Variants in IMPDH1 observed in about 807,000 individuals in gnomAD.
IMPDH1 encodes the protein inosine-5'-monophosphate dehydrogenase 1.
IMPDH1 carries 41 observed loss-of-function variants against 73.5 expected under a neutral mutation model. That is an observed-to-expected ratio of 0.56 (90% CI 0.43 to 0.72). The LOEUF is 0.72. IMPDH1 is among the 30% of genes least tolerant of loss of function. The pLI is 0.00. For synonymous variants in IMPDH1, 318 were observed against 334.3 expected, an observed-to-expected ratio of 0.95 and a Z score of 0.53; for missense variants, 645 against 824.8, an observed-to-expected ratio of 0.78 and a Z score of 2.67.
chr7:128,399,042 T>C (rs1470619821), intron 9 of IMPDH1, among the ~76,000 whole-genome samples: 1 of 152,172 alleles, frequency 6.6e-6, no homozygotes, highest in Non-Finnish European at 1.5e-5. Context: ...AACAGGGACC[T>C]GGTGAATATT....
intron 1 of IMPDH1, 120 bp from the exon 2 acceptor site, chr7:128,409,604 G>A: frequency 6.6e-7 from 1 of 1,523,022 alleles, no homozygotes; most frequent in South Asian, 1.1e-5. Context: ...CGGGAGCGTG[G>A]CGTTTCGGGA....
At position 128,397,066 on chromosome 7, in the gene IMPDH1, T is replaced by C. The variant is rs772533559; in HGVS notation, c.1075-44A>G. On this transcript the variant is annotated intron_variant, in intron 10 of 16. Transcript: ENST00000338791. ...GAGCTTGGGCTTAGACAGCTGAGGA[T>C]TCTCAAGGCAGGAGGGAGAGCCTGA... 23 of 1,393,966 alleles carry C rather than the reference T, an allele frequency of 1.6e-5. 1 individual carries two copies. In the South Asian group the frequency reaches 2.4e-4, roughly 15 times the overall value. The allele number at this position is 1,393,966 out of a possible 1,614,324, so 86.3% of individuals were successfully genotyped here.
intron 3 of IMPDH1, 23 bp downstream of exon 3, chr7:128,409,266 T>C: frequency 6.2e-7 from 1 of 1,605,088 alleles, no homozygotes; most frequent in Non-Finnish European, 8.5e-7. Context: ...CAGTGCATGG[T>C]GAGGAGGGGA....
intron 5 of IMPDH1, among the ~76,000 whole-genome samples, chr7:128,401,816 C>A (rs1444193277): frequency 6.6e-6 from 1 of 152,120 alleles, no homozygotes; most frequent in African/African-American, 2.4e-5. Flanking sequence ...GTCAGGATTG[C>A]AAGTATCCAT....
At chr7:128,401,977 C>A (rs751410774) in intron 5 of IMPDH1, among the ~76,000 whole-genome samples, 1 of 152,156 alleles carries the variant, frequency 6.6e-6, no homozygotes, top group Non-Finnish European at 1.5e-5. Context: ...CATCACTAAC[C>A]CTAGTTCAGA....
Position 128,409,320 on chromosome 7 carries a change from C to T in IMPDH1, c.223G>A (p.Gly75Ser). 1 of 1,614,116 alleles carries T rather than the reference C, an allele frequency of 6.2e-7. No individual in the cohort carries two copies. Among genetic ancestry groups the T allele is most frequent in the Non-Finnish European group, 8.5e-7 (1 of 1,179,986 alleles). The change falls in exon 3 of 17, where the codon GGT becomes AGT. Residue 75 changes from glycine to serine, a missense_variant. Coordinates refer to ENST00000338791, the MANE Select transcript of IMPDH1 (RefSeq NM_000883.4). ...LSSVVLLAGV[G>S]VQMDRLRRAS... ...CTGCGAAGGCGATCCATCTGGACAC[C>T]AACACCTGCCAGTAAGACCACTGAA... is the stretch of plus-strand genomic sequence containing the variant.
In IMPDH1 at chr7:128,394,171, G is replaced by A. The variant is rs557546224; in HGVS notation, c.1778+107C>T. On this transcript the variant is annotated intron_variant, in intron 16 of 16. Coordinates refer to ENST00000338791, the MANE Select transcript of IMPDH1 (RefSeq NM_000883.4). The surrounding 1 kb of genome is among the most constrained non-coding windows in gnomAD (Gnocchi z 5.5). The stretch of plus-strand genomic sequence containing the variant: ...TCCTGCAGCAGCATCTGTCCCTGCT[G>A]CAGGTGGTCCATGGGGTCCCTGGAA... 2 of 862,246 alleles carry A rather than the reference G, an allele frequency of 2.3e-6. No homozygotes were observed. The highest frequency in any genetic ancestry group is 3.6e-5 in the Admixed American group (2 of 55,540). The allele number at this position is 862,246 out of a possible 1,614,324, so 53.4% of individuals were successfully genotyped here. A position where few individuals can be genotyped will look rare whatever the true frequency, so the allele number is the denominator to read the frequency against.
chr7:128,393,933 A>T (rs1348395802), intron 16 of IMPDH1, among the ~76,000 whole-genome samples: 30 of 152,056 alleles, frequency 2.0e-4, no homozygotes, highest in Non-Finnish European at 1.5e-5. Context: ...TCACACCCGC[A>T]TCTTCTGCCT....
chr7:128,392,731 G>T lies in IMPDH1; in HGVS notation c.*276C>A. On this transcript the variant is annotated 3_prime_UTR_variant, in exon 17 of 17. Coordinates refer to ENST00000338791, the MANE Select transcript of IMPDH1 (RefSeq NM_000883.4). Reference sequence around the variant, plus strand: ...GCCAGGCTGGAGCAGGCTGCAGCAAGAAAGACCTGAGGCAGGCGCAGGGCC... The same window carrying T: ...GCCAGGCTGGAGCAGGCTGCAGCAATAAAGACCTGAGGCAGGCGCAGGGCC... 2.1e-6 allele frequency: 1 copy of T among 486,838 alleles called. No individual in the cohort carries two copies. Among genetic ancestry groups the T allele is most frequent in the East Asian group, 3.6e-5 (1 of 27,422 alleles). 30.2% of individuals were successfully genotyped at this position (486,838 alleles called of 1,614,324 possible).
chr7:128,409,166 G>T, intron 3 of IMPDH1, 123 bp downstream of exon 3: 1 of 855,182 alleles, frequency 1.2e-6, no homozygotes, highest in Non-Finnish European at 1.9e-6. Context: ...TCTTCCTCCA[G>T]TGTCCCTCAT....
intron 4 of IMPDH1, among the ~76,000 whole-genome samples, chr7:128,404,982 C>T (rs991046225): frequency 3.3e-5 from 5 of 152,146 alleles, no homozygotes; most frequent in African/African-American, 1.2e-4. Context: ...CAAGCCAGGG[C>T]AGGGCTGGCA....
chr7:128,392,936 G>A lies in IMPDH1; in HGVS notation c.*71C>T. 6.8e-7 allele frequency: 1 copy of A among 1,479,434 alleles called. No individual in the cohort carries two copies. The highest frequency in any genetic ancestry group is 9.5e-7 in the Non-Finnish European group (1 of 1,057,508). 91.6% of individuals were successfully genotyped at this position (1,479,434 alleles called of 1,614,324 possible). A position where few individuals can be genotyped will look rare whatever the true frequency, so the allele number is the denominator to read the frequency against. Reference sequence around the variant, plus strand: ...GCAAATCTGTGGACCACTCAGTTATGGAGGGAGGCTGTGCCCAAAAGTGGA... The same window carrying A: ...GCAAATCTGTGGACCACTCAGTTATAGAGGGAGGCTGTGCCCAAAAGTGGA... On this transcript the variant is annotated 3_prime_UTR_variant, in exon 17 of 17. Coordinates refer to ENST00000338791, the MANE Select transcript of IMPDH1 (RefSeq NM_000883.4).
At chr7:128,406,285 AC>A (rs375256813) in intron 3 of IMPDH1, among the ~76,000 whole-genome samples, 1 of 28,688 alleles carries the variant, frequency 3.5e-5, no homozygotes, top group Non-Finnish European at 6.8e-5. Flanking sequence ...CAGAGGCCCC[AC>A]CCCCCCACAC....
In IMPDH1 at chr7:128,409,765, TCGTAGC is replaced by T; in HGVS notation, c.131_136del (p.Gly44_Tyr45del). ...CTGCCCTGGGCGTCACCTCTCGGGCTCGTAGCCGGCCTGCAGCAGTCGGGCGCTGTA... is the reference window on the plus strand; with the variant it reads ...CTGCCCTGGGCGTCACCTCTCGGGCTCGGCCTGCAGCAGTCGGGCGCTGTA... On this transcript the variant is annotated inframe_deletion, in exon 1 of 17. Coordinates refer to ENST00000338791, the MANE Select transcript of IMPDH1 (RefSeq NM_000883.4). The T allele has an allele frequency of 6.6e-7, 1 of 1,522,580 alleles. No individual in the cohort carries two copies. The highest frequency in any genetic ancestry group is 8.8e-7 in the Non-Finnish European group (1 of 1,141,378). The allele number at this position is 1,522,580 out of a possible 1,614,324, so 94.3% of individuals were successfully genotyped here.
chr7:128,399,792 A>G (rs1798188312), intron 9 of IMPDH1, among the ~76,000 whole-genome samples: 2 of 152,238 alleles, frequency 1.3e-5, no homozygotes, highest in African/African-American at 2.4e-5. Flanking sequence ...TAATAAGTGA[A>G]TGTGCAATTC....
At chr7:128,403,582 T>C in intron 5 of IMPDH1, 124 bp downstream of exon 5, 2 of 709,332 alleles carry the variant, frequency 2.8e-6, no homozygotes, top group Non-Finnish European at 5.0e-6. Context: ...AAAAGGACTA[T>C]ATCCTATCCA....
chr7:128,407,413 A>G (rs904592041), intron 3 of IMPDH1, among the ~76,000 whole-genome samples: 1 of 152,056 alleles, frequency 6.6e-6, no homozygotes, highest in African/African-American at 2.4e-5. Context: ...TGTGGGAAGC[A>G]CCTCTGAACC....
intron 4 of IMPDH1, among the ~76,000 whole-genome samples, chr7:128,404,424 A>C (rs900953459): frequency 4.6e-5 from 7 of 152,178 alleles, no homozygotes; most frequent in Non-Finnish European, 1.0e-4. Context: ...CCACGGTCAC[A>C]GCAAACTCCG....
rs1002641912 is a variant in IMPDH1, at chr7:128,409,978, C to G, written c.-77G>C. 2.8e-5 allele frequency: 35 copies of G among 1,246,754 alleles called. No individual in the cohort carries two copies. In the Admixed American group the frequency reaches 8.1e-4, roughly 29 times the overall value. The allele number at this position is 1,246,754 out of a possible 1,614,324, so 77.2% of individuals were successfully genotyped here. A position where few individuals can be genotyped will look rare whatever the true frequency, so the allele number is the denominator to read the frequency against. ...GGCTGGGCAGTGAGCGCAGCCCGGTCGAGTCCCGAGGAGGGGCGGGGCCGC... is the reference window on the plus strand; with the variant it reads ...GGCTGGGCAGTGAGCGCAGCCCGGTGGAGTCCCGAGGAGGGGCGGGGCCGC... On this transcript the variant is annotated 5_prime_UTR_variant, in exon 1 of 17. Coordinates refer to ENST00000338791, the MANE Select transcript of IMPDH1 (RefSeq NM_000883.4).
Sources: allele counts gnomAD v4.1 joint callset (sites outside exome capture counted in the v4.1 genomes callset), GRCh38; gene constraint gnomAD v4.1.1; non-coding constraint Gnocchi (gnomAD v3.1); transcripts MANE v1.5; gene names NCBI Gene and HGNC (gene_info 2026-07-23, HGNC 2026-07-21).